The following SBNO1 variants were observed in gnomAD, a reference collection of about 807,000 sequenced individuals.
The protein encoded by SBNO1 is protein strawberry notch homolog 1.
In SBNO1, 23 loss-of-function variants were observed where a neutral mutation model predicts 173.6. The ratio of observed to expected loss-of-function variants is 0.13; its 90% CI spans 0.10 to 0.19. The LOEUF (loss-of-function observed/expected upper bound fraction) is 0.19. Among genes scored for constraint, SBNO1 ranks in the 10% least tolerant of loss-of-function variants. The pLI is 1.00. For missense variants in SBNO1, 1,238 were observed against 1,671.2 expected (o/e 0.74, Z 4.52); for synonymous variants, 632 against 571.5 (o/e 1.11, Z -1.51).
At chr12:123,308,650 G>A (rs1168559303) in intron 28 of SBNO1, among the ~76,000 whole-genome samples, 1 of 152,006 alleles carries the variant, frequency 6.6e-6, no homozygotes, top group Non-Finnish European at 1.5e-5. Flanking sequence ...ACTCCAGCCT[G>A]GGTAACACAG....
chr12:123,351,017 G>A (rs538052048), intron 1 of SBNO1, among the ~76,000 whole-genome samples: 1 of 152,192 alleles, frequency 6.6e-6, no homozygotes, highest in African/African-American at 2.4e-5. Flanking sequence ...AGCTTCTCTG[G>A]AGGCTGAGGC....
chr12:123,345,008 G>A (rs995765565), intron 4 of SBNO1, among the ~76,000 whole-genome samples: 19 of 152,080 alleles, frequency 1.2e-4, no homozygotes, highest in African/African-American at 4.6e-4. Context: ...ATATAAAACT[G>A]GTAAGATTTC....
rs1381598723 is a variant in SBNO1 at position 123,309,494 on chromosome 12, A to G, written c.3532T>C (p.Tyr1178His). Residue 1178 changes from tyrosine (Y) to histidine (H), a missense_variant, in exon 27 of 32, where the codon TAC becomes CAC. Transcript: ENST00000602398. ...ACAACATTTTCTAAACTTACTGTGT[A>G]TAATTCTACGTGGCCAGAGGTTGAA... ...GYSTSGHVELYTISVERGMSW... is the reference protein window; with the variant it reads ...GYSTSGHVELHTISVERGMSW... The G allele has an allele frequency of 1.2e-6, 2 of 1,612,174 alleles. No individual in the cohort carries two copies. The highest frequency in any genetic ancestry group is 1.7e-6 in the Non-Finnish European group (2 of 1,178,212).
chr12:123,345,185 CA>C, intron 4 of SBNO1, 72 bp downstream of exon 4: 1 of 1,301,540 alleles, frequency 7.7e-7, no homozygotes, highest in Non-Finnish European at 1.1e-6. Flanking sequence ...AAAACCCAAG[CA>C]AATCGTTTAA....
intron 30 of SBNO1, among the ~76,000 whole-genome samples, chr12:123,302,262 T>G (rs1593325006): frequency 7.3e-6 from 1 of 136,448 alleles, no homozygotes; most frequent in African/African-American, 2.7e-5. Flanking sequence ...TTTTTTTTTT[T>G]AATGGAGTCT....
In SBNO1 at chr12:123,321,809, G is replaced by T. The variant is rs2138969296; in HGVS notation, c.2126-77C>A. 5 of 1,179,586 alleles carry T rather than the reference G, an allele frequency of 4.2e-6. No individual in the cohort carries two copies. In the East Asian group the frequency reaches 1.2e-4, roughly 28 times the overall value. The allele number at this position is 1,179,586 out of a possible 1,614,324, so 73.1% of individuals were successfully genotyped here. A position where few individuals can be genotyped will look rare whatever the true frequency, so the allele number is the denominator to read the frequency against. On this transcript the variant is annotated intron_variant, in intron 16 of 31. Coordinates refer to ENST00000602398, the MANE Select transcript of SBNO1 (RefSeq NM_001167856.3). Reference sequence around the variant, plus strand: ...ATCCAGTACATCACATTTAGTTCATGAATTAATTCAAATGAAAAGTGCAGA... The same window carrying T: ...ATCCAGTACATCACATTTAGTTCATTAATTAATTCAAATGAAAAGTGCAGA...
chr12:123,292,019 A>G lies in SBNO1; in HGVS notation c.*3889T>C, dbSNP rs540839977. 1 of 95,692 alleles carries G rather than the reference A, an allele frequency of 1.0e-5. No homozygotes were observed. Among genetic ancestry groups the G allele is most frequent in the African/African-American group, 3.2e-5 (1 of 30,982 alleles). The allele number at this position is 95,692 out of a possible 1,614,324, so 5.9% of individuals were successfully genotyped here. A position where few individuals can be genotyped will look rare whatever the true frequency, so the allele number is the denominator to read the frequency against. ...TATCAGACAACTGGCATTCAATGAG[A>G]CATTTTTTTTTTTTTTTGCAGTTTT... On this transcript the variant is annotated 3_prime_UTR_variant, in exon 32 of 32. Coordinates refer to ENST00000602398, the MANE Select transcript of SBNO1 (RefSeq NM_001167856.3).
chr12:123,331,394 G>T lies in SBNO1; in HGVS notation c.910-19C>A. The T allele has an allele frequency of 6.2e-7, 1 of 1,611,072 alleles. No homozygotes were observed. Among genetic ancestry groups the T allele is most frequent in the African/African-American group, 1.3e-5 (1 of 74,914 alleles). ...CATGTTGCTGAAAAACAAAAGGCTG[G>T]TAATTAATATAATCCTTCAGATATT... On this transcript the variant is annotated intron_variant, in intron 7 of 31. Coordinates refer to ENST00000602398, the MANE Select transcript of SBNO1 (RefSeq NM_001167856.3).
intron 20 of SBNO1, 26 bp downstream of exon 20, chr12:123,319,873 AC>A (rs1266998082): frequency 6.2e-7 from 1 of 1,607,928 alleles, no homozygotes; most frequent in Non-Finnish European, 8.5e-7. Context: ...TGTTCTTTTC[AC>A]TGAGAAGCAT....
intron 29 of SBNO1, 46 bp downstream of exon 29, chr12:123,304,536 C>T: frequency 7.1e-7 from 1 of 1,416,466 alleles, no homozygotes; most frequent in Non-Finnish European, 9.8e-7. Context: ...TTGCCTGGCC[C>T]AAAGTAAGTA....
chr12:123,296,196 A>C, intron 31 of SBNO1, 146 bp from the exon 32 acceptor site: 1 of 579,934 alleles, frequency 1.7e-6, no homozygotes, highest in Non-Finnish European at 3.1e-6. Flanking sequence ...AATAAATGAA[A>C]TGGCCATTGA....
intron 1 of SBNO1, among the ~76,000 whole-genome samples, chr12:123,354,328 G>A (rs997302189): frequency 5.9e-5 from 9 of 152,052 alleles, no homozygotes; most frequent in African/African-American, 2.2e-4. Context: ...TCTGATGAAT[G>A]ACCTGGGAAT....
chr12:123,306,142 C>T (rs933901610), intron 28 of SBNO1, among the ~76,000 whole-genome samples: 2 of 152,074 alleles, frequency 1.3e-5, no homozygotes, highest in South Asian at 4.1e-4. Flanking sequence ...AGTCATAAAA[C>T]AATGGTTAAG....
At chr12:123,326,030 T>C (rs1870574145) in intron 14 of SBNO1, 122 bp downstream of exon 14, 4 of 627,018 alleles carry the variant, frequency 6.4e-6, no homozygotes, top group African/African-American at 1.8e-5. Context: ...TTAAGAAATG[T>C]ATTTTTTAGA....
intron 4 of SBNO1, among the ~76,000 whole-genome samples, chr12:123,341,685 C>T (rs1461266307): frequency 2.0e-5 from 3 of 151,774 alleles, no homozygotes; most frequent in Non-Finnish European, 4.4e-5. Context: ...CCATGCCTGC[C>T]TAATTTTGTA....
intron 1 of SBNO1, among the ~76,000 whole-genome samples, chr12:123,361,147 G>C: frequency 6.6e-6 from 1 of 152,200 alleles, no homozygotes; most frequent in Non-Finnish European, 1.5e-5. Context: ...GGGAGGCTAA[G>C]GCAGGAGAAT....
chr12:123,357,772 A>G (rs1266810429), intron 1 of SBNO1, among the ~76,000 whole-genome samples: 3 of 152,138 alleles, frequency 2.0e-5, no homozygotes, highest in African/African-American at 7.2e-5. Context: ...CAAAACAACA[A>G]CAACAAAGAA....
intron 5 of SBNO1, among the ~76,000 whole-genome samples, chr12:123,336,891 G>A (rs1871911967): frequency 6.6e-6 from 1 of 152,176 alleles, no homozygotes; most frequent in African/African-American, 2.4e-5. Flanking sequence ...CAAAACTGGA[G>A]TGAACCCTAG....
chr12:123,334,219 C>CA lies in SBNO1; in HGVS notation c.749-7dup, dbSNP rs1461597424. 2.0e-6 allele frequency: 3 copies of CA among 1,523,872 alleles called. No homozygotes were observed. In the East Asian group the frequency reaches 7.1e-5, roughly 36 times the overall value. 94.4% of individuals were successfully genotyped at this position (1,523,872 alleles called of 1,614,324 possible). ...ATGACGTAGGCCAATTTTTACTAAA[C>CA]AAAAATGTAAAAACATTTTATTTTA... On this transcript the variant is annotated splice_region_variant and splice_polypyrimidine_tract_variant and intron_variant, in intron 6 of 31. Coordinates refer to ENST00000602398, the MANE Select transcript of SBNO1 (RefSeq NM_001167856.3).
Sources: allele counts gnomAD v4.1 joint callset (sites outside exome capture counted in the v4.1 genomes callset), GRCh38; gene constraint gnomAD v4.1.1; transcripts MANE v1.5; gene names NCBI Gene and HGNC (gene_info 2026-07-23, HGNC 2026-07-21).